The following KIF6 variants were observed in gnomAD, a reference collection of about 807,000 sequenced individuals.
KIF6 encodes kinesin-like protein KIF6.
KIF6 carries 106 observed loss-of-function variants against 112.7 expected under a neutral mutation model. The ratio of observed to expected loss-of-function variants is 0.94; its 90% CI spans 0.80 to 1.11. The LOEUF (loss-of-function observed/expected upper bound fraction) is 1.11, where lower values mean the gene tolerates loss of function less well. KIF6 is among the 50% of genes least tolerant of loss of function. KIF6 has a pLI of 0.00. For synonymous variants in KIF6, 339 were observed against 339.9 expected, an observed-to-expected ratio of 1.00 and a Z score of 0.03; for missense variants, 929 against 964.0, an observed-to-expected ratio of 0.96 and a Z score of 0.48.
At chr6:39,634,299 C>T (rs1784508211) in intron 5 of KIF6, among the ~76,000 whole-genome samples, 1 of 152,098 alleles carries the variant, frequency 6.6e-6, no homozygotes, top group South Asian at 2.1e-4. Flanking sequence ...GGGTAACTTG[C>T]TCCATTATTA....
chr6:39,589,270 C>T (rs954623016), intron 7 of KIF6, among the ~76,000 whole-genome samples: 1 of 152,202 alleles, frequency 6.6e-6, no homozygotes, highest in Non-Finnish European at 1.5e-5. Flanking sequence ...CTTCCCTGGA[C>T]ACCCTATCAA....
At chr6:39,471,240 G>T (rs543800336) in intron 13 of KIF6, among the ~76,000 whole-genome samples, 17 of 152,216 alleles carry the variant, frequency 1.1e-4, no homozygotes, top group Admixed American at 8.5e-4. Context: ...CCCAAAGAAG[G>T]TTCTACTGAA....
chr6:39,578,579 C>T (rs527939843), intron 9 of KIF6, among the ~76,000 whole-genome samples: 9 of 152,258 alleles, frequency 5.9e-5, no homozygotes, highest in South Asian at 2.1e-4. Flanking sequence ...GATCCACCCA[C>T]CCTGGCCTCC....
At chr6:39,707,322 GCAACTAGTATCTA>G (rs1789273351) in intron 3 of KIF6, among the ~76,000 whole-genome samples, 1 of 152,156 alleles carries the variant, frequency 6.6e-6, no homozygotes, top group Admixed American at 6.5e-5. Context: ...ACGGAGTAAG[GCAACTAGTATCTA>G]CAAGTTTTCT....
chr6:39,633,905 A>G (rs1784482111), intron 5 of KIF6, among the ~76,000 whole-genome samples: 1 of 152,176 alleles, frequency 6.6e-6, no homozygotes, highest in Non-Finnish European at 1.5e-5. Context: ...CACATTTTGG[A>G]CTGTAATTAC....
At chr6:39,350,525 G>A (rs1764160488) in intron 19 of KIF6, among the ~76,000 whole-genome samples, 1 of 152,176 alleles carries the variant, frequency 6.6e-6, no homozygotes, top group East Asian at 1.9e-4. Flanking sequence ...ACCTGGCCCA[G>A]GAGGGCCCTC....
chr6:39,711,005 C>A (rs1789517417), intron 3 of KIF6, among the ~76,000 whole-genome samples: 1 of 149,092 alleles, frequency 6.7e-6, no homozygotes, highest in African/African-American at 2.5e-5. Context: ...CCAGCCTGGG[C>A]AAAAGAGTGA....
chr6:39,523,609 G>T (rs1172116357), intron 13 of KIF6, among the ~76,000 whole-genome samples: 3 of 129,020 alleles, frequency 2.3e-5, no homozygotes, highest in Non-Finnish European at 4.7e-5. Context: ...AGGCCTCAGT[G>T]CTCTCTTCTT....
At chr6:39,439,041 A>G (rs774528008) in intron 13 of KIF6, among the ~76,000 whole-genome samples, 4 of 152,196 alleles carry the variant, frequency 2.6e-5, no homozygotes, top group Non-Finnish European at 4.4e-5. Context: ...AGTAGTCTAT[A>G]CTATCTAGGT....
At chr6:39,484,292 G>A (rs1369107402) in intron 13 of KIF6, among the ~76,000 whole-genome samples, 1 of 152,216 alleles carries the variant, frequency 6.6e-6, no homozygotes, top group Non-Finnish European at 1.5e-5. Flanking sequence ...TGTACCTGGT[G>A]TGAGACACAA....
intron 3 of KIF6, among the ~76,000 whole-genome samples, chr6:39,647,993 G>A (rs1785261447): frequency 6.7e-6 from 1 of 149,520 alleles, no homozygotes; most frequent in Non-Finnish European, 1.5e-5. Flanking sequence ...TTACAGGCAT[G>A]AGCCACCAAG....
chr6:39,455,654 C>A, intron 13 of KIF6, among the ~76,000 whole-genome samples: 1 of 147,594 alleles, frequency 6.8e-6, no homozygotes, highest in Middle Eastern at 3.6e-3. Flanking sequence ...ACTAGAATAA[C>A]CAATACAGAG....
intron 3 of KIF6, among the ~76,000 whole-genome samples, chr6:39,708,632 A>T (rs1372266476): frequency 6.6e-6 from 1 of 152,204 alleles, no homozygotes; most frequent in Non-Finnish European, 1.5e-5. Flanking sequence ...CTCACTGCAC[A>T]TAAAGTAAAT....
chr6:39,344,172 A>G (rs1763536389), intron 21 of KIF6, among the ~76,000 whole-genome samples: 1 of 152,162 alleles, frequency 6.6e-6, no homozygotes, highest in Admixed American at 6.5e-5. Context: ...GTGGTAGTGA[A>G]TAAGTCTCAT....
intron 10 of KIF6, among the ~76,000 whole-genome samples, chr6:39,565,711 T>C (rs1189620174): frequency 6.6e-6 from 1 of 152,180 alleles, no homozygotes; most frequent in Non-Finnish European, 1.5e-5. Context: ...GTATCAACAA[T>C]AACAACAAAT....
chr6:39,425,118 T>C (rs962358074), intron 14 of KIF6, among the ~76,000 whole-genome samples: 1 of 152,110 alleles, frequency 6.6e-6, no homozygotes, highest in Non-Finnish European at 1.5e-5. Context: ...GAGGGGCTGG[T>C]GTTCGTTCAG....
chr6:39,649,893 C>G (rs1334865296), intron 3 of KIF6, among the ~76,000 whole-genome samples: 1 of 152,204 alleles, frequency 6.6e-6, no homozygotes, highest in Non-Finnish European at 1.5e-5. Context: ...GTTCACATTT[C>G]GTGTGTGATA....
At chr6:39,548,718 A>T (rs1779196261) in intron 10 of KIF6, among the ~76,000 whole-genome samples, 1 of 152,232 alleles carries the variant, frequency 6.6e-6, no homozygotes, top group South Asian at 2.1e-4. Flanking sequence ...AATAGTGTCC[A>T]AGTTTATACC....
intron 3 of KIF6, among the ~76,000 whole-genome samples, chr6:39,679,730 C>T (rs1244530018): frequency 6.7e-6 from 1 of 150,222 alleles, no homozygotes; most frequent in Admixed American, 6.7e-5. Context: ...ATTCTCTTGC[C>T]TCAGCCTCCC....
Sources: allele counts gnomAD v4.1 joint callset (sites outside exome capture counted in the v4.1 genomes callset), GRCh38; gene constraint gnomAD v4.1.1; transcripts MANE v1.5; gene names NCBI Gene and HGNC (gene_info 2026-07-23, HGNC 2026-07-21).